The following BPHL variants were observed in gnomAD, a reference collection of about 807,000 sequenced individuals.
BPHL encodes biphenyl hydrolase like.
Under a neutral mutation model 31.2 loss-of-function variants are expected in BPHL, and 27 were observed. The observed-to-expected ratio is 0.87, with a 90% CI of 0.64 to 1.19. The LOEUF is 1.19. Among genes scored for constraint, BPHL ranks in the 50% most tolerant of loss-of-function variants. The probability of loss-of-function intolerance (pLI) is 0.00; values close to 1 mark genes in which losing one functional copy is unlikely to be tolerated. For missense variants in BPHL, 356 were observed against 375.7 expected, an observed-to-expected ratio of 0.95 and a Z score of 0.43; for synonymous variants, 150 against 146.8, an observed-to-expected ratio of 1.02 and a Z score of -0.16.
chr6:3,123,574 C>T (rs941903609), intron 1 of BPHL, 83 bp from the exon 2 acceptor site: 15 of 1,193,476 alleles, frequency 1.3e-5, no homozygotes, highest in Non-Finnish European at 1.6e-5. Context: ...CTTATTCCTC[C>T]TGTCTAGCTG....
chr6:3,119,168 G>A (rs1761488055), intron 1 of BPHL: 1 of 950,898 alleles, frequency 1.1e-6, no homozygotes, highest in African/African-American at 1.6e-5. Flanking sequence ...CCTGTAGTAT[G>A]GACTCACCCG....
intron 6 of BPHL, among the ~76,000 whole-genome samples, chr6:3,142,182 G>A (rs1016049639): frequency 5.3e-5 from 8 of 151,446 alleles, no homozygotes; most frequent in Non-Finnish European, 1.0e-4. Flanking sequence ...GCAATGGCGC[G>A]ATCTCGGCTC....
At chr6:3,133,288 T>A (rs954112431) in intron 4 of BPHL, among the ~76,000 whole-genome samples, 2 of 151,894 alleles carry the variant, frequency 1.3e-5, no homozygotes, top group African/African-American at 4.8e-5. Flanking sequence ...CCTCTCTCCC[T>A]CCCACCAGGC....
intron 1 of BPHL, among the ~76,000 whole-genome samples, chr6:3,121,063 A>G (rs1019204039): frequency 6.6e-6 from 1 of 152,220 alleles, no homozygotes; most frequent in Non-Finnish European, 1.5e-5. Flanking sequence ...TGAGGATTTG[A>G]AACAATAAAT....
chr6:3,129,860 G>A (rs1199041586), intron 4 of BPHL, among the ~76,000 whole-genome samples: 1 of 148,168 alleles, frequency 6.7e-6, no homozygotes, highest in Non-Finnish European at 1.5e-5. Flanking sequence ...GGGCTGGAGT[G>A]CAGTCGTGCG....
At chr6:3,151,462 C>A (rs892866776) in intron 6 of BPHL, among the ~76,000 whole-genome samples, 1 of 152,146 alleles carries the variant, frequency 6.6e-6, no homozygotes, top group African/African-American at 2.4e-5. Context: ...CCATTCCCAC[C>A]CCCAATGTGG....
In BPHL at chr6:3,149,293, G is replaced by C. The variant is rs764737701; in HGVS notation, c.789-3195G>C. ...GGAAGAAAGCTTTCCTGCAGTCCAG[G>C]GCCCGACTAGGTCCCCACAGTCACA... On this transcript the variant is annotated intron_variant, in intron 6 of 6. Coordinates refer to ENST00000380379, the MANE Select transcript of BPHL (RefSeq NM_004332.4). This position sits in a 1 kb window ranked among gnomAD's most constrained non-coding sequence, Gnocchi z 4.6. Among the ~76,000 whole-genome samples the C allele has an allele frequency of 3.3e-5, 5 of 152,074 alleles. No homozygotes were observed. Among genetic ancestry groups the C allele is most frequent in the Non-Finnish European group, 5.9e-5 (4 of 68,022 alleles).
At chr6:3,151,364 A>G (rs1762519141) in intron 6 of BPHL, among the ~76,000 whole-genome samples, 1 of 152,124 alleles carries the variant, frequency 6.6e-6, no homozygotes, top group Non-Finnish European at 1.5e-5. Flanking sequence ...GAATGTCGTG[A>G]TTGTTAGTAA....
chr6:3,128,250 A>G (rs1288642812), intron 3 of BPHL, among the ~76,000 whole-genome samples: 1 of 152,142 alleles, frequency 6.6e-6, no homozygotes, highest in African/African-American at 2.4e-5. Flanking sequence ...TATAAACAGT[A>G]TTGTTGTGGA....
intron 1 of BPHL, among the ~76,000 whole-genome samples, chr6:3,120,682 G>T (rs1330887232): frequency 6.6e-6 from 1 of 152,164 alleles, no homozygotes; most frequent in East Asian, 1.9e-4. Context: ...TTCAAAATCC[G>T]TAAGGTGATT....
intron 3 of BPHL, 131 bp from the exon 4 acceptor site, chr6:3,128,914 T>C: frequency 7.3e-7 from 1 of 1,363,634 alleles, no homozygotes; most frequent in Non-Finnish European, 1.0e-6. Context: ...TGGTGGACTC[T>C]AGGGTTTTTC....
rs183415408 is a variant in BPHL at position 3,141,173 on chromosome 6, T to G, written c.788+664T>G. Among the ~76,000 whole-genome samples the G allele has an allele frequency of 1.0e-3, 158 of 152,358 alleles. 1 individual carries two copies. Among genetic ancestry groups the G allele is most frequent in the African/African-American group, 3.7e-3 (153 of 41,584 alleles). On this transcript the variant is annotated intron_variant, in intron 6 of 6. Coordinates refer to ENST00000380379, the MANE Select transcript of BPHL (RefSeq NM_004332.4). ...TATATCCATAATGGATAGTGCTATATCCATTTAGCATTTTTTAAGTTAACA... is the reference window on the plus strand; with the variant it reads ...TATATCCATAATGGATAGTGCTATAGCCATTTAGCATTTTTTAAGTTAACA...
intron 6 of BPHL, among the ~76,000 whole-genome samples, chr6:3,144,342 C>T (rs1295017698): frequency 6.6e-6 from 1 of 150,722 alleles, no homozygotes; most frequent in Non-Finnish European, 1.5e-5. Flanking sequence ...GCTGGGATTA[C>T]AGGCATAAGC....
intron 1 of BPHL, among the ~76,000 whole-genome samples, chr6:3,121,084 G>T (rs1027989904): frequency 6.6e-6 from 1 of 152,090 alleles, no homozygotes. Context: ...GTAAAAGCCT[G>T]GGGATATAAT....
intron 6 of BPHL, among the ~76,000 whole-genome samples, chr6:3,144,809 AAGAG>A (rs1024698024): frequency 4.6e-5 from 7 of 152,184 alleles, no homozygotes; most frequent in Admixed American, 6.5e-5. Flanking sequence ...TGCATGTTGA[AAGAG>A]AGAGAGGGAG....
chr6:3,121,974 A>G (rs1046733635), intron 1 of BPHL, among the ~76,000 whole-genome samples: 1 of 152,168 alleles, frequency 6.6e-6, no homozygotes, highest in African/African-American at 2.4e-5. Context: ...CTAAGGGCAG[A>G]GGTAGGAGTA....
intron 4 of BPHL, among the ~76,000 whole-genome samples, chr6:3,130,298 C>T (rs1761837749): frequency 6.6e-6 from 1 of 152,138 alleles, no homozygotes; most frequent in African/African-American, 2.4e-5. Flanking sequence ...GGTCACTACA[C>T]AGGGGTGACT....
At chr6:3,150,437 A>G (rs1462124211) in intron 6 of BPHL, among the ~76,000 whole-genome samples, 1 of 152,198 alleles carries the variant, frequency 6.6e-6, no homozygotes, top group Non-Finnish European at 1.5e-5. Flanking sequence ...TTGGGGTTAG[A>G]CAGCTTCTAG....
At chr6:3,123,129 G>A (rs942971741) in intron 1 of BPHL, among the ~76,000 whole-genome samples, 6 of 152,238 alleles carry the variant, frequency 3.9e-5, no homozygotes, top group African/African-American at 9.6e-5. Context: ...GCACAATAGC[G>A]TATTCAAGCA....
Sources: gnomAD v4.1 joint callset for allele counts (sites outside exome capture counted in the v4.1 genomes callset) on GRCh38, gnomAD v4.1.1 for gene constraint, Gnocchi (gnomAD v3.1) non-coding constraint, MANE v1.5 for transcripts, NCBI Gene and HGNC (gene_info 2026-07-23, HGNC 2026-07-21) for gene names.